Variants in WDR7 observed in about 807,000 individuals in gnomAD.
WDR7 encodes the protein WD repeat-containing protein 7.
WDR7 carries 46 observed loss-of-function variants against 169.4 expected under a neutral mutation model. The observed-to-expected ratio is 0.27, with a 90% CI of 0.21 to 0.35. The LOEUF is 0.35. Among genes scored for constraint, WDR7 ranks in the 10% least tolerant of loss-of-function variants. WDR7 has a pLI of 1.00. For synonymous variants in WDR7, 612 were observed against 666.8 expected (o/e 0.92, Z 1.27); for missense variants, 1,534 against 1,859.3 (o/e 0.83, Z 3.22).
intron 20 of WDR7, among the ~76,000 whole-genome samples, chr18:56,872,373 C>T (rs1435329939): frequency 6.6e-6 from 1 of 152,126 alleles, no homozygotes; most frequent in Non-Finnish European, 1.5e-5. Flanking sequence ...GTAATCAATA[C>T]CTCATAGCCC....
chr18:56,817,809 G>C (rs866197112), intron 20 of WDR7, among the ~76,000 whole-genome samples: 4 of 150,594 alleles, frequency 2.7e-5, no homozygotes, highest in African/African-American at 7.3e-5. Context: ...GCAGTGGCGC[G>C]ATCTCGGCTC....
At chr18:56,971,247 C>T (rs2047480333) in intron 26 of WDR7, among the ~76,000 whole-genome samples, 1 of 151,072 alleles carries the variant, frequency 6.6e-6, no homozygotes, top group African/African-American at 2.4e-5. Flanking sequence ...CCACTGCACT[C>T]CAGCCTGAGC....
intron 19 of WDR7, among the ~76,000 whole-genome samples, chr18:56,807,975 T>C (rs1167317906): frequency 6.6e-6 from 1 of 152,190 alleles, no homozygotes; most frequent in Non-Finnish European, 1.5e-5. Context: ...GAAGGAAAAG[T>C]GGATACTGTG....
At chr18:56,894,609 A>G (rs2046306451) in intron 21 of WDR7, among the ~76,000 whole-genome samples, 1 of 152,020 alleles carries the variant, frequency 6.6e-6, no homozygotes, top group East Asian at 1.9e-4. Context: ...TCTTTTTTAA[A>G]GTATTTGTTG....
intron 21 of WDR7, among the ~76,000 whole-genome samples, chr18:56,903,753 G>A (rs2145573826): frequency 6.6e-6 from 1 of 152,192 alleles, no homozygotes; most frequent in African/African-American, 2.4e-5. Context: ...TGGATTTGGT[G>A]TTCTGTCAGA....
chr18:56,825,467 G>A (rs1224162323), intron 20 of WDR7, among the ~76,000 whole-genome samples: 2 of 152,164 alleles, frequency 1.3e-5, no homozygotes, highest in Non-Finnish European at 2.9e-5. Flanking sequence ...CACAATTCAT[G>A]TGATGCCTTC....
chr18:56,884,315 T>C (rs1425415634), intron 21 of WDR7, among the ~76,000 whole-genome samples: 1 of 152,176 alleles, frequency 6.6e-6, no homozygotes, highest in Admixed American at 6.5e-5. Flanking sequence ...CTTTTGAAAA[T>C]TGTCTATTCA....
At chr18:56,931,103 A>C (rs761396910) in intron 22 of WDR7, among the ~76,000 whole-genome samples, 2 of 152,160 alleles carry the variant, frequency 1.3e-5, no homozygotes, top group Non-Finnish European at 2.9e-5. Context: ...TGCTGAGTAA[A>C]GCAGAGAGTC....
intron 7 of WDR7, 51 bp from the exon 8 acceptor site, chr18:56,691,165 T>TA (rs2025560111): frequency 6.4e-7 from 1 of 1,559,122 alleles, no homozygotes; most frequent in African/African-American, 1.4e-5. Flanking sequence ...CACTGGATCT[T>TA]ACTTTTTACA....
intron 20 of WDR7, among the ~76,000 whole-genome samples, chr18:56,865,645 T>TG (rs1284582720): frequency 2.0e-5 from 3 of 152,082 alleles, no homozygotes; most frequent in Non-Finnish European, 4.4e-5. Context: ...GGAGAAATTT[T>TG]TCTTCTGTGG....
At chr18:56,813,938 T>C (rs1186619314) in intron 19 of WDR7, among the ~76,000 whole-genome samples, 1 of 152,204 alleles carries the variant, frequency 6.6e-6, no homozygotes, top group Non-Finnish European at 1.5e-5. Context: ...AGGAGCTCTA[T>C]GGAATGCTTG....
intron 19 of WDR7, among the ~76,000 whole-genome samples, chr18:56,800,626 C>T (rs8090783): frequency 1.6e-3 from 243 of 152,256 alleles, no homozygotes; most frequent in African/African-American, 5.3e-3. Flanking sequence ...AAAGACCCAG[C>T]GCCAGACCCT....
chr18:56,771,818 G>T (rs909449218), intron 16 of WDR7, among the ~76,000 whole-genome samples: 1 of 151,718 alleles, frequency 6.6e-6, no homozygotes, highest in Non-Finnish European at 1.5e-5. Flanking sequence ...GGAGGCAGAG[G>T]TTGTGGTGAG....
chr18:56,822,877 C>G (rs571844560), intron 20 of WDR7, among the ~76,000 whole-genome samples: 20 of 152,062 alleles, frequency 1.3e-4, no homozygotes, highest in African/African-American at 4.8e-4. Context: ...TCATAGTTTT[C>G]TGAGTGAACT....
At chr18:56,686,759 C>CCTTTATGAT in intron 6 of WDR7, 96 bp from the exon 7 acceptor site, 1 of 1,040,866 alleles carries the variant, frequency 9.6e-7, no homozygotes. Flanking sequence ...ACATATGAAG[C>CCTTTATGAT]GATGCCTTTA....
At chr18:56,725,201 T>C (rs531881373) in intron 13 of WDR7, among the ~76,000 whole-genome samples, 3 of 150,920 alleles carry the variant, frequency 2.0e-5, no homozygotes, top group South Asian at 4.1e-4. Context: ...ATGGTATTTC[T>C]AGTTCTAGAT....
At chr18:56,854,726 A>C (rs181114498) in intron 20 of WDR7, among the ~76,000 whole-genome samples, 1 of 152,254 alleles carries the variant, frequency 6.6e-6, no homozygotes, top group East Asian at 1.9e-4. Flanking sequence ...TTTATGACCT[A>C]CAATTAGACA....
chr18:56,981,521 T>G (rs1179715247), intron 26 of WDR7, among the ~76,000 whole-genome samples: 1 of 152,158 alleles, frequency 6.6e-6, no homozygotes, highest in African/African-American at 2.4e-5. Flanking sequence ...GACAAAGCCC[T>G]GAAAAACTTC....
At chr18:56,835,940 G>A (rs1038139142) in intron 20 of WDR7, among the ~76,000 whole-genome samples, 10 of 152,168 alleles carry the variant, frequency 6.6e-5, no homozygotes, top group Non-Finnish European at 1.2e-4. Context: ...TTCATGAAGT[G>A]AGGCACCTGA....
Sources: allele counts gnomAD v4.1 joint callset (sites outside exome capture counted in the v4.1 genomes callset), GRCh38; gene constraint gnomAD v4.1.1; transcripts MANE v1.5; gene names NCBI Gene and HGNC (gene_info 2026-07-23, HGNC 2026-07-21).